Variants in ROBO2 observed in about 807,000 individuals in gnomAD.
ROBO2 encodes roundabout homolog 2.
Under a neutral mutation model 160.8 loss-of-function variants are expected in ROBO2, and 53 were observed. That is an observed-to-expected ratio of 0.33 (90% CI 0.26 to 0.41). The LOEUF (loss-of-function observed/expected upper bound fraction) is 0.41, where lower values mean the gene tolerates loss of function less well. ROBO2 is among the 10% of genes least tolerant of loss of function. The pLI, the probability that ROBO2 is intolerant of heterozygous loss-of-function variation, is 1.00. For synonymous variants in ROBO2, 664 were observed against 611.7 expected, an observed-to-expected ratio of 1.09 and a Z score of -1.26; for missense variants, 1,577 against 1,722.4, an observed-to-expected ratio of 0.92 and a Z score of 1.49.
rs1294079523 is a variant in ROBO2 at position 77,071,451 on chromosome 3, C to G, written c.62-26563C>G. Among the ~76,000 whole-genome samples the G allele has an allele frequency of 4.6e-5, 7 of 152,218 alleles. No individual in the cohort carries two copies. In the East Asian group the frequency reaches 5.8e-4, roughly 13 times the overall value. On this transcript the variant is annotated intron_variant, in intron 1 of 25. Transcript: ENST00000461745. ...TAGCTAAGACTTCATAGCCTAGGCT[C>G]TATGCCTAGAAAATAAGAAAAACAC...
chr3:75,995,782 G>T (rs1342746940), intron 2 of ROBO2, among the ~76,000 whole-genome samples: 2 of 152,208 alleles, frequency 1.3e-5, no homozygotes, highest in African/African-American at 4.8e-5. Flanking sequence ...GGGCAGAGTT[G>T]CCAAGGCTGT....
At chr3:76,688,658 A>G (rs1465041172) in intron 2 of ROBO2, among the ~76,000 whole-genome samples, 1 of 151,480 alleles carries the variant, frequency 6.6e-6, no homozygotes, top group African/African-American at 2.4e-5. Context: ...GCGCAGTCCT[A>G]GTCCTTTGAA....
At chr3:76,011,819 C>T (rs1387729033) in intron 2 of ROBO2, among the ~76,000 whole-genome samples, 1 of 151,382 alleles carries the variant, frequency 6.6e-6, no homozygotes, top group Admixed American at 6.6e-5. Context: ...TCAGCAATAT[C>T]ACCCAGTGAC....
chr3:76,400,517 C>T (rs940526178), intron 2 of ROBO2, among the ~76,000 whole-genome samples: 1 of 151,386 alleles, frequency 6.6e-6, no homozygotes, highest in African/African-American at 2.4e-5. Flanking sequence ...ACAATTACTA[C>T]AAAGAAACAT....
chr3:76,855,407 A>G (rs2069942690), intron 2 of ROBO2, among the ~76,000 whole-genome samples: 1 of 152,200 alleles, frequency 6.6e-6, no homozygotes, highest in African/African-American at 2.4e-5. Flanking sequence ...TGTCCTCCAT[A>G]AGCTATCGGA....
At chr3:76,488,696 G>C (rs528732878) in intron 2 of ROBO2, among the ~76,000 whole-genome samples, 1 of 151,840 alleles carries the variant, frequency 6.6e-6, no homozygotes, top group Non-Finnish European at 1.5e-5. Flanking sequence ...ATATCCCACC[G>C]TATCCATAGG....
At chr3:76,378,579 AT>A (rs2076464068) in intron 2 of ROBO2, among the ~76,000 whole-genome samples, 1 of 152,190 alleles carries the variant, frequency 6.6e-6, no homozygotes, top group Non-Finnish European at 1.5e-5. Context: ...CTTTGGTAGG[AT>A]GCACAAGAAC....
chr3:76,962,751 G>T (rs1258027717), intron 2 of ROBO2, among the ~76,000 whole-genome samples: 1 of 151,970 alleles, frequency 6.6e-6, no homozygotes, highest in African/African-American at 2.4e-5. Context: ...AGGCTGCAGT[G>T]ACTATGATCG....
At chr3:76,087,725 A>C (rs943122196) in intron 2 of ROBO2, among the ~76,000 whole-genome samples, 2 of 152,074 alleles carry the variant, frequency 1.3e-5, no homozygotes, top group South Asian at 4.1e-4. Flanking sequence ...CTAAGTGTAA[A>C]TAAAATGAGT....
intron 6 of ROBO2, among the ~76,000 whole-genome samples, chr3:77,528,342 T>C (rs2091357201): frequency 1.3e-5 from 2 of 151,630 alleles, no homozygotes; most frequent in South Asian, 2.1e-4. Context: ...CTTTATAAAT[T>C]GTCCATCTAG....
At chr3:77,242,499 T>C (rs2089187444) in intron 2 of ROBO2, among the ~76,000 whole-genome samples, 1 of 152,234 alleles carries the variant, frequency 6.6e-6, no homozygotes. Flanking sequence ...TATTCTCTTT[T>C]GCAGTTTACT....
chr3:77,220,487 A>G (rs2085641950), intron 2 of ROBO2, among the ~76,000 whole-genome samples: 1 of 151,978 alleles, frequency 6.6e-6, no homozygotes, highest in African/African-American at 2.4e-5. Flanking sequence ...ATTCATTTAT[A>G]TATGTCATTT....
intron 2 of ROBO2, among the ~76,000 whole-genome samples, chr3:76,307,535 C>T (rs1413357459): frequency 6.7e-6 from 1 of 148,324 alleles, no homozygotes; most frequent in Non-Finnish European, 1.5e-5. Flanking sequence ...GTGGACCTTC[C>T]CATTTATAGA....
intron 2 of ROBO2, among the ~76,000 whole-genome samples, chr3:77,318,304 GA>G (rs2064286016): frequency 6.6e-6 from 1 of 152,168 alleles, no homozygotes; most frequent in Admixed American, 6.5e-5. Context: ...AAAGTACTGG[GA>G]TTACAGGCGT....
chr3:77,415,474 T>C (rs970357259), intron 2 of ROBO2, among the ~76,000 whole-genome samples: 2 of 152,054 alleles, frequency 1.3e-5, no homozygotes, highest in Admixed American at 6.5e-5. Context: ...CTAAATATAA[T>C]AAGGAAGTGA....
chr3:76,818,700 T>C (rs894206392), intron 2 of ROBO2, among the ~76,000 whole-genome samples: 6 of 152,074 alleles, frequency 3.9e-5, no homozygotes, highest in African/African-American at 1.4e-4. Flanking sequence ...CAGGCACCAT[T>C]TGTTGAATAG....
chr3:76,497,608 A>T (rs1168264177), intron 2 of ROBO2, among the ~76,000 whole-genome samples: 1 of 152,192 alleles, frequency 6.6e-6, no homozygotes, highest in Non-Finnish European at 1.5e-5. Flanking sequence ...GTGCTCAGTT[A>T]TTTGGGCAAA....
intron 2 of ROBO2, among the ~76,000 whole-genome samples, chr3:76,844,162 G>C (rs919624605): frequency 1.3e-5 from 2 of 151,868 alleles, no homozygotes; most frequent in Admixed American, 1.3e-4. Context: ...ATATTTATTT[G>C]GGGTTAAAAT....
At chr3:76,988,539 A>C (rs1054472266) in intron 2 of ROBO2, among the ~76,000 whole-genome samples, 2 of 152,104 alleles carry the variant, frequency 1.3e-5, no homozygotes, top group Non-Finnish European at 2.9e-5. Flanking sequence ...TATTTTCTCC[A>C]TCTGTCAGTC....
Sources: gnomAD v4.1 joint callset for allele counts (sites outside exome capture counted in the v4.1 genomes callset) on GRCh38, gnomAD v4.1.1 for gene constraint, MANE v1.5 for transcripts, NCBI Gene and HGNC (gene_info 2026-07-23, HGNC 2026-07-21) for gene names.